Variants in MLC1 observed in about 807,000 individuals in gnomAD.
The protein encoded by MLC1 is membrane protein MLC1.
In MLC1, 32 loss-of-function variants were observed where a neutral mutation model predicts 44.7. The ratio of observed to expected loss-of-function variants is 0.72; its 90% CI spans 0.54 to 0.96. The LOEUF (loss-of-function observed/expected upper bound fraction) is 0.96. Among genes scored for constraint, MLC1 ranks in the 40% least tolerant of loss-of-function variants. MLC1 has a pLI of 0.00. For missense variants in MLC1, 459 were observed against 492.2 expected (o/e 0.93, Z 0.64); for synonymous variants, 190 against 213.0 (o/e 0.89, Z 0.94).
At position 50,083,070 on chromosome 22, in the gene MLC1, A is replaced by G. The variant is rs779329767; in HGVS notation, c.267+14T>C. 1 of 1,613,378 alleles carries G rather than the reference A, an allele frequency of 6.2e-7. No homozygotes were observed. The highest frequency in any genetic ancestry group is 1.1e-5 in the South Asian group (1 of 91,066). ...AGCTTGGGCACTGGCAGAGGCGTGG[A>G]GGAAGCTGCTTACAGAGCCTGCAGC... On this transcript the variant is annotated intron_variant, in intron 3 of 11. Transcript: ENST00000311597. This position sits in a 1 kb window ranked among gnomAD's most constrained non-coding sequence, Gnocchi z 4.6.
In MLC1 at chr22:50,084,978, A is replaced by G. The variant is rs9628323; in HGVS notation, c.-59-17T>C. The G allele has an allele frequency of 6.3e-3, 9,946 of 1,583,054 alleles. 533 individuals are homozygous for G. In the African/African-American group the frequency reaches 0.11, roughly 18 times the overall value. ...GTTCTTTATCTGGAATAAAATTATC[A>G]TCGGCTTTGGCCACTCTGAGGAAAC... is the stretch of plus-strand genomic sequence containing the variant. On this transcript the variant is annotated splice_polypyrimidine_tract_variant and intron_variant, in intron 1 of 11. Transcript: ENST00000311597.
chr22:50,075,248 C>T (rs913372568), intron 7 of MLC1, among the ~76,000 whole-genome samples: 6 of 152,100 alleles, frequency 3.9e-5, no homozygotes, highest in Admixed American at 2.0e-4. Flanking sequence ...AAGAAACACA[C>T]GCCCGAAAAC....
chr22:50,070,520 CA>C lies in MLC1; in HGVS notation c.771+6del. On this transcript the variant is annotated splice_donor_region_variant and intron_variant, in intron 9 of 11. Coordinates refer to ENST00000311597, the MANE Select transcript of MLC1 (RefSeq NM_015166.4). Reference sequence around the variant, plus strand: ...CCCTGGCACCCAGGGCTGAGGGGTTCACCCACCAGACACTTGCTGGGACACT... The same window carrying C: ...CCCTGGCACCCAGGGCTGAGGGGTTCCCCACCAGACACTTGCTGGGACACT... The C allele has an allele frequency of 6.4e-7, 1 of 1,557,810 alleles. No individual in the cohort carries two copies. Among genetic ancestry groups the C allele is most frequent in the Non-Finnish European group, 8.7e-7 (1 of 1,150,350 alleles).
chr22:50,072,653 T>G (rs1206947350), intron 8 of MLC1: 1 of 152,372 alleles, frequency 6.6e-6, no homozygotes, highest in East Asian at 1.9e-4. Context: ...GTGCCTTTCA[T>G]TCTCAACTTT....
intron 5 of MLC1, among the ~76,000 whole-genome samples, chr22:50,078,271 G>A (rs1454243651): frequency 2.0e-5 from 3 of 151,836 alleles, no homozygotes; most frequent in East Asian, 3.9e-4. Context: ...GATTACAGGC[G>A]TGAGCCACCG....
chr22:50,062,243 A>AGCC (rs1177573876), intron 11 of MLC1, among the ~76,000 whole-genome samples: 2 of 74,496 alleles, frequency 2.7e-5, no homozygotes, highest in Admixed American at 1.7e-4. Context: ...CCTGAGCCCC[A>AGCC]ACCGCCCACC....
Position 50,061,544 on chromosome 22 carries a change from C to A in MLC1, c.*39G>T, listed in dbSNP as rs577593915. 1.3e-6 allele frequency: 2 copies of A among 1,594,042 alleles called. No homozygotes were observed. Among genetic ancestry groups the A allele is most frequent in the African/African-American group, 1.3e-5 (1 of 74,586 alleles). On this transcript the variant is annotated 3_prime_UTR_variant, in exon 12 of 12. Transcript: ENST00000311597. ...GGGTTGTGCGTTTCCATGCTTGGGGCCAGGCTGGGCGCTGCCACCCGGTTT... is the reference window on the plus strand; with the variant it reads ...GGGTTGTGCGTTTCCATGCTTGGGGACAGGCTGGGCGCTGCCACCCGGTTT...
intron 5 of MLC1, 41 bp downstream of exon 5, chr22:50,079,877 T>C (rs1188007473): frequency 1.5e-6 from 2 of 1,367,520 alleles, no homozygotes; most frequent in Non-Finnish European, 1.0e-6. Flanking sequence ...GGAGTGGGGC[T>C]GTGGGTGTCA....
chr22:50,061,247 A>C lies in MLC1; in HGVS notation c.*336T>G. On this transcript the variant is annotated 3_prime_UTR_variant, in exon 12 of 12. Transcript: ENST00000311597. ...CCCACTCCAGCCCAAGCCATGAGAGAGGCAGGAAGAGGAGCTGGGGCCAGT... is the reference window on the plus strand; with the variant it reads ...CCCACTCCAGCCCAAGCCATGAGAGCGGCAGGAAGAGGAGCTGGGGCCAGT... 1 of 409,282 alleles carries C rather than the reference A, an allele frequency of 2.4e-6. No individual in the cohort carries two copies. Among genetic ancestry groups the C allele is most frequent in the East Asian group, 5.4e-5 (1 of 18,466 alleles). 25.4% of individuals were successfully genotyped at this position (409,282 alleles called of 1,614,324 possible).
At chr22:50,081,577 G>A (rs1042356748) in intron 3 of MLC1, among the ~76,000 whole-genome samples, 3 of 152,254 alleles carry the variant, frequency 2.0e-5, no homozygotes, top group Admixed American at 6.5e-5. Flanking sequence ...GGCCCTTGCC[G>A]TGCAGGGCCT....
chr22:50,081,562 C>A (rs1395342631), intron 3 of MLC1, among the ~76,000 whole-genome samples: 6 of 152,236 alleles, frequency 3.9e-5, no homozygotes, highest in Non-Finnish European at 8.8e-5. Context: ...CCAGCCCAGG[C>A]CTGTGGCCCT....
chr22:50,077,046 TG>T, intron 6 of MLC1, 134 bp from the exon 7 acceptor site: 1 of 859,082 alleles, frequency 1.2e-6, no homozygotes, highest in Non-Finnish European at 2.0e-6. Flanking sequence ...GAGGCGCCCG[TG>T]GATCTTTGGG....
At position 50,067,497 on chromosome 22, in the gene MLC1, C is replaced by CA. The variant is rs1207272261; in HGVS notation, c.894+935_894+936insT. ...CCCCCCATCAGGCAGTGACTCTATCCCCTGTCAGGCAGTGACTCCATCCCC... is the reference window on the plus strand; with the variant it reads ...CCCCCCATCAGGCAGTGACTCTATCCACCTGTCAGGCAGTGACTCCATCCCC... On this transcript the variant is annotated intron_variant, in intron 10 of 11. Transcript: ENST00000311597. Among the ~76,000 whole-genome samples, 464 of 86,436 alleles carry CA rather than the reference C, an allele frequency of 5.4e-3. 22 individuals carry two copies. The highest frequency in any genetic ancestry group is 8.6e-3 in the Non-Finnish European group (339 of 39,534). The allele number at this position is 86,436 out of a possible 152,430, so 56.7% of individuals were successfully genotyped here.
At chr22:50,070,625 G>C (rs375677886) in intron 8 of MLC1, 42 bp from the exon 9 acceptor site, 1 of 1,536,264 alleles carries the variant, frequency 6.5e-7, no homozygotes, top group African/African-American at 1.4e-5. Context: ...GGAAATAGTC[G>C]AAGAAGTCGA....
intron 1 of MLC1, 142 bp from the exon 2 acceptor site, chr22:50,085,103 A>C: frequency 1.4e-6 from 2 of 1,436,200 alleles, no homozygotes; most frequent in East Asian, 2.5e-5. Context: ...TTGAATCTAA[A>C]AGTGAAAAAG....
At chr22:50,062,424 C>T (rs919850851) in intron 11 of MLC1, among the ~76,000 whole-genome samples, 2 of 152,204 alleles carry the variant, frequency 1.3e-5, no homozygotes, top group South Asian at 2.1e-4. Context: ...GAAACCCAGG[C>T]GGGTCTCATT....
intron 11 of MLC1, among the ~76,000 whole-genome samples, chr22:50,062,274 T>C (rs113677330): frequency 0.14 from 4,724 of 34,372 alleles, 464 homozygotes; most frequent in South Asian, 0.25. Context: ...GCCACCCACC[T>C]TGAGCCCCAG....
intron 10 of MLC1, among the ~76,000 whole-genome samples, chr22:50,065,886 G>A (rs2061691643): frequency 6.6e-6 from 1 of 152,246 alleles, no homozygotes; most frequent in Non-Finnish European, 1.5e-5. Context: ...GTTCACGGAG[G>A]AGTTATTTAT....
intron 9 of MLC1, among the ~76,000 whole-genome samples, chr22:50,068,846 C>A (rs1352123075): frequency 6.6e-6 from 1 of 151,326 alleles, no homozygotes; most frequent in Non-Finnish European, 1.5e-5. Flanking sequence ...CCTGCCTCAG[C>A]CTCCCGAGTA....
Sources: allele counts gnomAD v4.1 joint callset (sites outside exome capture counted in the v4.1 genomes callset), GRCh38; gene constraint gnomAD v4.1.1; non-coding constraint Gnocchi (gnomAD v3.1); transcripts MANE v1.5; gene names NCBI Gene and HGNC (gene_info 2026-07-23, HGNC 2026-07-21).